BICC1: variants seen among roughly 807,000 people sequenced by gnomAD.
The protein encoded by BICC1 is protein bicaudal C homolog 1.
A neutral mutation model predicts 111.0 loss-of-function variants in BICC1; 43 were observed. The ratio of observed to expected loss-of-function variants is 0.39; its 90% CI spans 0.30 to 0.50. BICC1 has a LOEUF of 0.50. Among genes scored for constraint, BICC1 ranks in the 20% least tolerant of loss-of-function variants. The pLI is 0.88. For missense variants in BICC1, 1,091 were observed against 1,203.2 expected, an observed-to-expected ratio of 0.91 and a Z score of 1.38; for synonymous variants, 467 against 434.4, an observed-to-expected ratio of 1.07 and a Z score of -0.93.
chr10:58,766,961 C>T (rs191702694), intron 3 of BICC1, among the ~76,000 whole-genome samples: 4 of 151,166 alleles, frequency 2.6e-5, no homozygotes, highest in Admixed American at 6.6e-5. Context: ...ATGGGGGTGG[C>T]GGAAATCACA....
intron 3 of BICC1, among the ~76,000 whole-genome samples, chr10:58,767,222 G>A (rs10740760): frequency 0.78 from 118,266 of 152,018 alleles, 46,400 homozygotes; most frequent in East Asian, 1. Flanking sequence ...TGGGATTGGA[G>A]GAAGGTACAT....
chr10:58,798,991 T>C, intron 11 of BICC1, 65 bp from the exon 12 acceptor site: 2 of 1,199,978 alleles, frequency 1.7e-6, no homozygotes, highest in Non-Finnish European at 2.3e-6. Context: ...TTTTTATTGT[T>C]AATAAAAATA....
At chr10:58,684,305 A>G (rs1589017420) in intron 2 of BICC1, among the ~76,000 whole-genome samples, 1 of 152,258 alleles carries the variant, frequency 6.6e-6, no homozygotes, top group Non-Finnish European at 1.5e-5. Context: ...TTTTGCATCG[A>G]TGTCATCAGG....
At chr10:58,688,509 C>T (rs1261662297) in intron 2 of BICC1, among the ~76,000 whole-genome samples, 1 of 152,088 alleles carries the variant, frequency 6.6e-6, no homozygotes, top group East Asian at 1.9e-4. Context: ...CTTCACCTCT[C>T]ACCGGCAATC....
At chr10:58,763,057 GA>G (rs11396319) in intron 3 of BICC1, among the ~76,000 whole-genome samples, 1 of 151,688 alleles carries the variant, frequency 6.6e-6, no homozygotes, top group African/African-American at 2.4e-5. Context: ...GGAAATATAG[GA>G]AAAAAAACAC....
At chr10:58,546,174 C>G (rs1469311144) in intron 1 of BICC1, among the ~76,000 whole-genome samples, 1 of 152,042 alleles carries the variant, frequency 6.6e-6, no homozygotes, top group Non-Finnish European at 1.5e-5. Context: ...TGGTCTGTCT[C>G]CAATGTTGTT....
At chr10:58,801,090 A>G in intron 14 of BICC1, 44 bp downstream of exon 14, 1 of 1,505,420 alleles carries the variant, frequency 6.6e-7, no homozygotes, top group Non-Finnish European at 8.9e-7. Flanking sequence ...TTTTGAAATG[A>G]TATATATTTG....
chr10:58,710,305 C>T (rs1840533165), intron 3 of BICC1, among the ~76,000 whole-genome samples: 1 of 152,154 alleles, frequency 6.6e-6, no homozygotes, highest in South Asian at 2.1e-4. Context: ...CTTTCACACC[C>T]ATACCTTCCA....
rs543898812 is a variant in BICC1, at chr10:58,520,870, C to T, written c.190+7537C>T. 3.0e-3 allele frequency among the ~76,000 whole-genome samples: 308 copies of T among 104,334 alleles called. 1 individual carries two copies. The highest frequency in any genetic ancestry group is 0.014 in the African/African-American group (289 of 20,318). The allele number at this position is 104,334 out of a possible 152,430, so 68.4% of individuals were successfully genotyped here. A position where few individuals can be genotyped will look rare whatever the true frequency, so the allele number is the denominator to read the frequency against. On this transcript the variant is annotated intron_variant, in intron 1 of 20. Transcript: ENST00000373886. ...TTTTTCCTGGTCTTTTGAAAATATG[C>T]CCACACATAATTTATTTTTGCCATG...
At chr10:58,559,560 C>G (rs1400142174) in intron 1 of BICC1, among the ~76,000 whole-genome samples, 2 of 152,046 alleles carry the variant, frequency 1.3e-5, no homozygotes, top group African/African-American at 4.8e-5. Context: ...GTTTGATTAC[C>G]TTGTTTCCAG....
chr10:58,633,977 CTTT>C (rs3076172), intron 2 of BICC1, among the ~76,000 whole-genome samples: 158 of 138,180 alleles, frequency 1.1e-3, no homozygotes, highest in African/African-American at 2.7e-3. Context: ...TTTTCTTTTT[CTTT>C]TTTTTTTTTC....
intron 9 of BICC1, among the ~76,000 whole-genome samples, 157 bp from the exon 10 acceptor site, chr10:58,796,183 G>A (rs908180530): frequency 6.6e-5 from 10 of 152,262 alleles, no homozygotes; most frequent in South Asian, 2.1e-4. Context: ...TCTTAAGCAC[G>A]AAGTGGTTAG....
At chr10:58,796,638 G>A in intron 10 of BICC1, 112 bp downstream of exon 10, 1 of 1,041,822 alleles carries the variant, frequency 9.6e-7, no homozygotes. Context: ...TTTCCTTTGG[G>A]CTCTAAGATC....
intron 1 of BICC1, among the ~76,000 whole-genome samples, chr10:58,519,564 G>A (rs1649034): frequency 0.57 from 85,990 of 152,022 alleles, 26,112 homozygotes; most frequent in African/African-American, 0.8. Context: ...AGGAACTTAT[G>A]TTATTCAGTA....
At chr10:58,604,072 T>A (rs1845130242) in intron 1 of BICC1, among the ~76,000 whole-genome samples, 2 of 152,186 alleles carry the variant, frequency 1.3e-5, no homozygotes, top group African/African-American at 4.8e-5. Flanking sequence ...GTTTGGCCTT[T>A]CTTTGCTTCT....
intron 2 of BICC1, among the ~76,000 whole-genome samples, chr10:58,686,585 T>TTTTTTTTTTTTTTTTTTTTTTTTTTTTG (rs1839734611): frequency 6.6e-6 from 1 of 151,908 alleles, no homozygotes; most frequent in African/African-American, 2.4e-5. Context: ...TCTTTTTTTC[T>TTTTTTTTTTTTTTTTTTTTTTTTTTTTG]AAACTTCTCT....
upstream of BICC1, among the ~76,000 whole-genome samples, chr10:58,512,859 G>A (rs1047540128): frequency 4.0e-5 from 6 of 148,402 alleles, no homozygotes; most frequent in South Asian, 1.0e-3. Flanking sequence ...GGCGCGGGCA[G>A]CGCGGCGCGC....
intron 2 of BICC1, among the ~76,000 whole-genome samples, chr10:58,638,852 TTCTTTTCTTTTTTC>T (rs1564525571): frequency 6.9e-5 from 9 of 129,926 alleles, no homozygotes; most frequent in Non-Finnish European, 1.1e-4. Context: ...TTCTTTTCTT[TTCTTTTCTTTTTTC>T]TCTTCTCTTT....
intron 1 of BICC1, among the ~76,000 whole-genome samples, chr10:58,556,445 T>G (rs1843451821): frequency 6.6e-6 from 1 of 152,118 alleles, no homozygotes; most frequent in African/African-American, 2.4e-5. Context: ...GAAAAGAAAC[T>G]TGACCAAGAA....
Sources: gnomAD v4.1 joint callset for allele counts (sites outside exome capture counted in the v4.1 genomes callset) on GRCh38, gnomAD v4.1.1 for gene constraint, MANE v1.5 for transcripts, NCBI Gene and HGNC (gene_info 2026-07-23, HGNC 2026-07-21) for gene names.